C12orf76: variants seen among roughly 807,000 people sequenced by gnomAD.
The protein encoded by C12orf76 is chromosome 12 open reading frame 76, also known as uncharacterized protein C12orf76.
C12orf76 carries 6 observed loss-of-function variants against 6.8 expected under a neutral mutation model. The ratio of observed to expected loss-of-function variants is 0.88; its 90% confidence interval spans 0.48 to 1.73. The LOEUF is 1.73. C12orf76 is among the 40% of genes most tolerant of loss of function. The probability of loss-of-function intolerance (pLI) is 0.01; values close to 1 mark genes in which losing one functional copy is unlikely to be tolerated. For missense variants in C12orf76, 99 were observed against 98.2 expected, an observed-to-expected ratio of 1.01 and a Z score of -0.03; for synonymous variants, 56 against 43.7, an observed-to-expected ratio of 1.28 and a Z score of -1.11.
At position 110,067,379 on chromosome 12, in the gene C12orf76, A is replaced by C. The variant is rs143743004; in HGVS notation, n.206+111T>G. The stretch of plus-strand genomic sequence containing the variant: ...AGGAGCTCAACAATTACCTAGATAG[A>C]GTCTCCACAGCCCAGACAAGCCAGG... On this transcript the variant is annotated intron_variant and non_coding_transcript_variant, in intron 1 of 4. Coordinates refer to the C12orf76 transcript ENST00000309050. 1.4e-3 allele frequency: 1,374 copies of C among 982,360 alleles called. 23 individuals carry two copies. The African/African-American group carries it at 0.022, about 16-fold the overall frequency. The allele number at this position is 982,360 out of a possible 1,614,324, so 60.9% of individuals were successfully genotyped here.
At chr12:110,063,565 C>CA (rs957158487) in intron 2 of C12orf76, among the ~76,000 whole-genome samples, 42 of 151,622 alleles carry the variant, frequency 2.8e-4, no homozygotes, top group African/African-American at 9.6e-4. Context: ...GCTGGGATTA[C>CA]AGGTATAAGC....
chr12:110,059,300 T>C, intron 2 of C12orf76: 5 of 1,061,812 alleles, frequency 4.7e-6, no homozygotes, highest in Non-Finnish European at 6.6e-6. Context: ...TATATGGGAT[T>C]GTGCCATCTG....
At position 110,042,263 on chromosome 12, in the gene C12orf76, G is replaced by T; in HGVS notation, c.*111C>A. The T allele has an allele frequency of 1.2e-6, 1 of 813,222 alleles. No homozygotes were observed. The highest frequency in any genetic ancestry group is 1.4e-5 in the South Asian group (1 of 70,910). 50.4% of individuals were successfully genotyped at this position (813,222 alleles called of 1,614,324 possible). On this transcript the variant is annotated 3_prime_UTR_variant, in exon 2 of 2. Coordinates refer to ENST00000615315, the MANE Select transcript of C12orf76 (RefSeq NM_001389625.1). ...TCATTTAGCATTTACCAACTGTCCA[G>T]ACCAAAGGTCATTTCCAAGTAGGAA...
chr12:110,050,626 T>C, upstream of C12orf76: 1 of 215,512 alleles, frequency 4.6e-6, no homozygotes, highest in Admixed American at 5.2e-5. Flanking sequence ...ACAAATGCCA[T>C]GGTAATGTCA....
rs1249533863 is a variant in C12orf76 at position 110,048,475 on chromosome 12, C to T, written c.21G>A (p.Pro7=). The T allele has an allele frequency of 6.8e-6, 10 of 1,461,176 alleles. No individual in the cohort carries two copies. Among genetic ancestry groups the T allele is most frequent in the Admixed American group, 2.5e-5 (1 of 40,318 alleles). 90.5% of individuals were successfully genotyped at this position (1,461,176 alleles called of 1,614,324 possible). MLRPAL[P]WLYLGLCSLL... is the part of the protein sequence containing the mutation. ...GGCTGCAGAGGCCAAGGTACAGCCA[C>T]GGTAACGCTGGACGCAGCATCTTCC... Residue 7 remains proline (P), a synonymous_variant, in exon 1 of 2, where the codon CCG becomes CCA. Transcript: ENST00000615315.
exon 1 of C12orf76, chr12:110,067,612 G>A: frequency 1.0e-6 from 1 of 982,062 alleles, no homozygotes; most frequent in East Asian, 1.1e-4. Context: ...CAGACCTCAG[G>A]TGATCCACCC....
At position 110,048,517 on chromosome 12, in the gene C12orf76, A is replaced by G. The variant is rs61940913; in HGVS notation, c.-22T>C. The G allele has an allele frequency of 7.1e-5, 98 of 1,383,748 alleles. No individual in the cohort carries two copies. The African/African-American group carries it at 1.7e-3, about 23-fold the overall frequency. The allele number at this position is 1,383,748 out of a possible 1,614,324, so 85.7% of individuals were successfully genotyped here. Reference sequence around the variant, plus strand: ...GCATCTTCCCCAGCCCTGCAGAAGCAGAGAGGCCACTTCCGTCGCAAGCCC... The same window carrying G: ...GCATCTTCCCCAGCCCTGCAGAAGCGGAGAGGCCACTTCCGTCGCAAGCCC... On this transcript the variant is annotated 5_prime_UTR_variant, in exon 1 of 2. Coordinates refer to ENST00000615315, the MANE Select transcript of C12orf76 (RefSeq NM_001389625.1).
chr12:110,068,834 C>G (rs1892925502), upstream of C12orf76, among the ~76,000 whole-genome samples: 1 of 152,196 alleles, frequency 6.6e-6, no homozygotes, highest in African/African-American at 2.4e-5. Context: ...GGATTGCCAC[C>G]TATGGTCCAC....
At chr12:110,068,170 C>T (rs1231318527), upstream of C12orf76, among the ~76,000 whole-genome samples, 3 of 151,082 alleles carry the variant, frequency 2.0e-5, no homozygotes, top group African/African-American at 7.3e-5. Flanking sequence ...CGCCATTGCA[C>T]TCCAGCCTAG....
At chr12:110,062,868 C>G (rs1892796500) in intron 2 of C12orf76, among the ~76,000 whole-genome samples, 1 of 146,364 alleles carries the variant, frequency 6.8e-6, no homozygotes, top group African/African-American at 2.6e-5. Context: ...GTCTCAAACT[C>G]CTGGGCTCAA....
chr12:110,059,663 C>T (rs1892736418), intron 2 of C12orf76, among the ~76,000 whole-genome samples: 1 of 152,202 alleles, frequency 6.6e-6, no homozygotes, highest in South Asian at 2.1e-4. Context: ...GCTTCCATCA[C>T]CAAAGCAAGA....
At chr12:110,043,882 T>A (rs560992451) in intron 1 of C12orf76, among the ~76,000 whole-genome samples, 43 of 143,192 alleles carry the variant, frequency 3.0e-4, no homozygotes, top group African/African-American at 9.9e-4. Context: ...AAAAAAAAAA[T>A]GTTACGTTTT....
chr12:110,050,787 T>A, upstream of C12orf76: 1 of 585,844 alleles, frequency 1.7e-6, no homozygotes, highest in Non-Finnish European at 3.0e-6. Flanking sequence ...TTCCACTACT[T>A]TATTAATAAA....
intron 4 of C12orf76, among the ~76,000 whole-genome samples, chr12:110,056,682 C>G (rs902178032): frequency 6.6e-6 from 1 of 151,970 alleles, no homozygotes; most frequent in African/African-American, 2.4e-5. Flanking sequence ...TGGCTGTGTC[C>G]CCACCCAAAT....
upstream of C12orf76, chr12:110,049,775 C>T (rs562634675): frequency 6.6e-6 from 1 of 152,268 alleles, no homozygotes; most frequent in Non-Finnish European, 1.5e-5. Context: ...GGCCTCACAC[C>T]CAGTAGCTAA....
chr12:110,055,222 T>C (rs1470165858), intron 4 of C12orf76, among the ~76,000 whole-genome samples: 1 of 151,544 alleles, frequency 6.6e-6, no homozygotes, highest in Non-Finnish European at 1.5e-5. Flanking sequence ...AGCTTTTTTT[T>C]TTTTTTTTTG....
At chr12:110,071,033 C>T (rs963969763), upstream of C12orf76, among the ~76,000 whole-genome samples, 2 of 152,198 alleles carry the variant, frequency 1.3e-5, no homozygotes, top group Admixed American at 6.5e-5. Context: ...CCTTGGCCTC[C>T]CAAAGTGCTG....
intron 2 of C12orf76, among the ~76,000 whole-genome samples, chr12:110,059,708 A>G (rs1892737077): frequency 6.6e-6 from 1 of 152,188 alleles, no homozygotes; most frequent in African/African-American, 2.4e-5. Flanking sequence ...GGCTTGACAA[A>G]CAAGCGGTGT....
upstream of C12orf76, among the ~76,000 whole-genome samples, chr12:110,053,304 G>A (rs535457351): frequency 6.6e-6 from 1 of 152,048 alleles, no homozygotes; most frequent in South Asian, 2.1e-4. Context: ...TTCGAGACCA[G>A]CCTGGCCAAC....
Sources: allele counts gnomAD v4.1 joint callset (sites outside exome capture counted in the v4.1 genomes callset), GRCh38; gene constraint gnomAD v4.1.1; transcripts MANE v1.5; gene names NCBI Gene and HGNC (gene_info 2026-07-23, HGNC 2026-07-21).